Variants in HESX1 observed in about 807,000 individuals in gnomAD.
HESX1 encodes HESX homeobox 1, also known as homeobox expressed in ES cells 1.
Under a neutral mutation model 22.5 loss-of-function variants are expected in HESX1, and 11 were observed. That is an observed-to-expected ratio of 0.49 (90% CI 0.31 to 0.81). The LOEUF (loss-of-function observed/expected upper bound fraction) is 0.81, where lower values mean the gene tolerates loss of function less well. Ranked by LOEUF, HESX1 falls within the 30% of genes least tolerant of loss-of-function variation. HESX1 has a pLI of 0.05. For synonymous variants in HESX1, 74 were observed against 76.5 expected, an observed-to-expected ratio of 0.97 and a Z score of 0.17; for missense variants, 201 against 212.6, an observed-to-expected ratio of 0.95 and a Z score of 0.34.
At chr3:57,198,656 G>T in intron 2 of HESX1, 97 bp downstream of exon 2, 11 of 1,169,982 alleles carry the variant, frequency 9.4e-6, no homozygotes, top group Non-Finnish European at 1.3e-5. Context: ...CATTAATAAG[G>T]CTTCTAAACT....
At chr3:57,219,354 C>T (rs767166214) in intron 1 of HESX1, among the ~76,000 whole-genome samples, 4 of 151,956 alleles carry the variant, frequency 2.6e-5, no homozygotes, top group Non-Finnish European at 4.4e-5. Flanking sequence ...AGTGTCTGTT[C>T]GTGTCCTTTG....
upstream of HESX1, among the ~76,000 whole-genome samples, chr3:57,201,376 A>C (rs1465190196): frequency 1.3e-5 from 2 of 152,104 alleles, no homozygotes; most frequent in Non-Finnish European, 2.9e-5. Flanking sequence ...GATTGTGCAA[A>C]GGTGGGGGGT....
At chr3:57,203,904 C>T (rs894145637), upstream of HESX1, among the ~76,000 whole-genome samples, 2 of 152,130 alleles carry the variant, frequency 1.3e-5, no homozygotes, top group Non-Finnish European at 2.9e-5. Context: ...CTCCTGACCT[C>T]AAGTGATCTG....
chr3:57,199,703 G>C, intron 1 of HESX1, 59 bp downstream of exon 1: 1 of 1,483,236 alleles, frequency 6.7e-7, no homozygotes, highest in Non-Finnish European at 9.4e-7. Flanking sequence ...GAAATAAAGG[G>C]CAAATTAAAC....
intron 1 of HESX1, among the ~76,000 whole-genome samples, chr3:57,216,096 A>G (rs1039504248): frequency 6.6e-6 from 1 of 152,224 alleles, no homozygotes; most frequent in Non-Finnish European, 1.5e-5. Context: ...CATTGGTTAT[A>G]TCACTACCAT....
At chr3:57,220,655 T>C (rs2060610589) in intron 1 of HESX1, among the ~76,000 whole-genome samples, 1 of 152,080 alleles carries the variant, frequency 6.6e-6, no homozygotes, top group Non-Finnish European at 1.5e-5. Context: ...AGTCTTGAAC[T>C]CCTGACCTCA....
At chr3:57,210,658 A>G (rs962985229) in intron 1 of HESX1, among the ~76,000 whole-genome samples, 12 of 152,238 alleles carry the variant, frequency 7.9e-5, no homozygotes, top group Non-Finnish European at 1.6e-4. Context: ...AATTTGTTGA[A>G]TAAGTGAATT....
At chr3:57,211,452 C>T (rs189169573) in intron 1 of HESX1, among the ~76,000 whole-genome samples, 4 of 136,414 alleles carry the variant, frequency 2.9e-5, no homozygotes, top group Non-Finnish European at 4.6e-5. Flanking sequence ...ATCACTTGAG[C>T]GTAGGAGGTT....
At chr3:57,212,093 A>ACCTTTGCTCTTCTC (rs2060558021) in intron 1 of HESX1, among the ~76,000 whole-genome samples, 1 of 152,190 alleles carries the variant, frequency 6.6e-6, no homozygotes, top group Admixed American at 6.5e-5. Context: ...TAACAATTAA[A>ACCTTTGCTCTTCTC]AAGTATTTCA....
chr3:57,219,127 CTTTG>C (rs1254489299), intron 1 of HESX1, among the ~76,000 whole-genome samples: 4 of 152,120 alleles, frequency 2.6e-5, no homozygotes, highest in Non-Finnish European at 5.9e-5. Context: ...TTGTTCCCCT[CTTTG>C]TGTCTTTGTA....
At chr3:57,213,813 A>G (rs563631588) in intron 1 of HESX1, among the ~76,000 whole-genome samples, 5 of 148,976 alleles carry the variant, frequency 3.4e-5, no homozygotes, top group South Asian at 2.1e-4. Flanking sequence ...CCCAGGTACT[A>G]GGGAGGCTGA....
upstream of HESX1, among the ~76,000 whole-genome samples, chr3:57,202,974 G>A (rs941303361): frequency 6.6e-6 from 1 of 152,212 alleles, no homozygotes; most frequent in Non-Finnish European, 1.5e-5. Context: ...GAAGGCAGTA[G>A]TTGGAGTGAA....
At chr3:57,218,179 C>G (rs529293905) in intron 1 of HESX1, among the ~76,000 whole-genome samples, 6 of 152,112 alleles carry the variant, frequency 3.9e-5, no homozygotes, top group African/African-American at 1.4e-4. Flanking sequence ...ATGGGGGTTT[C>G]TTGTACAGAT....
At position 57,199,743 on chromosome 3, in the gene HESX1, CAATT is replaced by C; in HGVS notation, c.157+15_157+18del. ...TAAATGAAATAACAAAGAATTGAAACAATTAAGCTGTGGCATACCTGATGAGCTG... is the reference window on the plus strand; with the variant it reads ...TAAATGAAATAACAAAGAATTGAAACAAGCTGTGGCATACCTGATGAGCTG... On this transcript the variant is annotated intron_variant, in intron 1 of 3. Transcript: ENST00000295934. 4.3e-6 allele frequency: 7 copies of C among 1,613,098 alleles called. No individual in the cohort carries two copies. Among genetic ancestry groups the C allele is most frequent in the Non-Finnish European group, 5.9e-6 (7 of 1,179,202 alleles).
rs138121021 is a variant in HESX1, at chr3:57,220,295, A to C, written c.-111+6001T>G. 4.3e-4 allele frequency among the ~76,000 whole-genome samples: 65 copies of C among 152,318 alleles called. No individual in the cohort carries two copies. The East Asian group carries it at 0.012, about 28-fold the overall frequency. ...TATGACTTTTTTAAAGCATTGTCTT[A>C]ACACATTGCTTTTTGTCCTGTTTAT... On this transcript the variant is annotated intron_variant, in intron 1 of 2. Transcript: ENST00000495160.
chr3:57,208,872 A>T (rs1378196747), intron 1 of HESX1, among the ~76,000 whole-genome samples: 1 of 151,834 alleles, frequency 6.6e-6, no homozygotes, highest in Non-Finnish European at 1.5e-5. Context: ...AAGGCATGAG[A>T]ATAGCTTGAA....
intron 1 of HESX1, among the ~76,000 whole-genome samples, chr3:57,225,881 CTTTT>C (rs540522007): frequency 4.5e-5 from 6 of 132,122 alleles, no homozygotes; most frequent in African/African-American, 5.6e-5. Context: ...CTTTTCTTTT[CTTTT>C]TTTTTTTTTT....
chr3:57,216,919 A>C (rs1224340219), intron 1 of HESX1, among the ~76,000 whole-genome samples: 2 of 152,188 alleles, frequency 1.3e-5, no homozygotes, highest in Admixed American at 6.5e-5. Context: ...TATTTATATC[A>C]GTATGGACTC....
chr3:57,204,140 A>G (rs1343125678), upstream of HESX1, among the ~76,000 whole-genome samples: 2 of 151,930 alleles, frequency 1.3e-5, no homozygotes, highest in Middle Eastern at 3.2e-3. Context: ...TGTGAGAAAC[A>G]TATTCATTGT....
Sources: allele counts gnomAD v4.1 joint callset (sites outside exome capture counted in the v4.1 genomes callset), GRCh38; gene constraint gnomAD v4.1.1; transcripts MANE v1.5; gene names NCBI Gene and HGNC (gene_info 2026-07-23, HGNC 2026-07-21).